Variants in MAGI2 observed in about 807,000 individuals in gnomAD.
The protein encoded by MAGI2 is membrane associated guanylate kinase, WW and PDZ domain containing 2, also known as membrane-associated guanylate kinase, WW and PDZ domain-containing protein 2.
A neutral mutation model predicts 133.3 loss-of-function variants in MAGI2; 35 were observed. The observed-to-expected ratio is 0.26, with a 90% CI of 0.20 to 0.35. MAGI2 has a LOEUF of 0.35. MAGI2 is among the 10% of genes least tolerant of loss of function. The probability of loss-of-function intolerance (pLI) is 1.00; values close to 1 mark genes in which losing one functional copy is unlikely to be tolerated. For synonymous variants in MAGI2, 729 were observed against 710.6 expected (o/e 1.03, Z -0.41); for missense variants, 1,636 against 1,863.4 (o/e 0.88, Z 2.25).
chr7:78,580,590 G>C lies in MAGI2; in HGVS notation c.538+46530C>G, dbSNP rs369772667. Among the ~76,000 whole-genome samples the C allele has an allele frequency of 4.1e-4, 63 of 152,304 alleles. No individual in the cohort carries two copies. In the South Asian group the frequency reaches 0.013, roughly 32 times the overall value. On this transcript the variant is annotated intron_variant, in intron 3 of 21. Transcript: ENST00000354212. ...ATAATCCATAGATACAAAATTGAAA[G>C]TGATTTAACTTCCTCATGATCATTC... is the stretch of plus-strand genomic sequence containing the variant.
intron 3 of MAGI2, among the ~76,000 whole-genome samples, chr7:78,608,897 T>C (rs1034908451): frequency 8.5e-5 from 13 of 152,162 alleles, no homozygotes; most frequent in African/African-American, 2.7e-4. Context: ...TCTATATCTA[T>C]CTACATATGG....
intron 2 of MAGI2, chr7:78,902,381 A>G (rs1797676048): frequency 6.6e-6 from 1 of 152,208 alleles, no homozygotes; most frequent in Non-Finnish European, 1.5e-5. Flanking sequence ...TTAAAATAAA[A>G]TCATTTTATA....
At chr7:78,214,429 C>G (rs889406425) in intron 10 of MAGI2, among the ~76,000 whole-genome samples, 2 of 152,120 alleles carry the variant, frequency 1.3e-5, no homozygotes, top group Admixed American at 1.3e-4. Flanking sequence ...CTGTGAATCC[C>G]TGATACTATC....
chr7:79,115,077 G>A (rs956370762), intron 1 of MAGI2, among the ~76,000 whole-genome samples: 2 of 152,180 alleles, frequency 1.3e-5, no homozygotes, highest in Non-Finnish European at 2.9e-5. Context: ...CTTTGAATCT[G>A]CCTTAGCAAT....
intron 3 of MAGI2, among the ~76,000 whole-genome samples, chr7:78,538,380 G>C (rs1477723940): frequency 1.3e-5 from 2 of 152,302 alleles, no homozygotes; most frequent in Non-Finnish European, 2.9e-5. Context: ...GTGGTATTTT[G>C]ATGGGAATTG....
intron 2 of MAGI2, among the ~76,000 whole-genome samples, chr7:78,867,034 G>C (rs985742941): frequency 6.6e-6 from 1 of 150,914 alleles, no homozygotes. Flanking sequence ...AAAAAGTCAG[G>C]AAACAACAGG....
At chr7:78,357,404 G>C (rs935968288) in intron 7 of MAGI2, among the ~76,000 whole-genome samples, 2 of 152,138 alleles carry the variant, frequency 1.3e-5, no homozygotes, top group Admixed American at 1.3e-4. Flanking sequence ...CCCCCTTGGA[G>C]ATAAAATTTA....
rs555183742 is a variant in MAGI2, at chr7:79,202,784, A to C, written c.302-195578T>G. Among the ~76,000 whole-genome samples the C allele has an allele frequency of 1.9e-3, 296 of 152,070 alleles. 6 individuals are homozygous for C. Among genetic ancestry groups the C allele is most frequent in the African/African-American group, 7.0e-3 (288 of 41,400 alleles). Reference sequence around the variant, plus strand: ...TTCCTGTTGTAACCAAGTCTTCTAAAAACCTGTACTACTTATATTTCTTCT... The same window carrying C: ...TTCCTGTTGTAACCAAGTCTTCTAACAACCTGTACTACTTATATTTCTTCT... On this transcript the variant is annotated intron_variant, in intron 1 of 21. Transcript: ENST00000354212.
intron 2 of MAGI2, among the ~76,000 whole-genome samples, chr7:78,960,088 T>G (rs1206098530): frequency 6.6e-6 from 1 of 152,118 alleles, no homozygotes; most frequent in Admixed American, 6.5e-5. Context: ...TCTGATCTAT[T>G]GGAACTAGAA....
At chr7:78,049,556 T>C (rs1004734430) in intron 21 of MAGI2, among the ~76,000 whole-genome samples, 2 of 152,244 alleles carry the variant, frequency 1.3e-5, no homozygotes, top group Admixed American at 6.5e-5. Context: ...CTCTTGCCTA[T>C]AACAAATGGT....
At chr7:79,327,899 G>A (rs1037485689) in intron 1 of MAGI2, among the ~76,000 whole-genome samples, 2 of 151,978 alleles carry the variant, frequency 1.3e-5, no homozygotes, top group African/African-American at 4.8e-5. Context: ...TTTGGTTTTG[G>A]TATTTTTAAA....
intron 2 of MAGI2, among the ~76,000 whole-genome samples, chr7:78,959,349 T>G (rs1333783619): frequency 6.6e-6 from 1 of 152,054 alleles, no homozygotes; most frequent in African/African-American, 2.4e-5. Flanking sequence ...GCCAAACCTA[T>G]ACCATTATTT....
intron 2 of MAGI2, among the ~76,000 whole-genome samples, chr7:78,855,028 T>G (rs756260021): frequency 2.4e-4 from 17 of 70,210 alleles, no homozygotes; most frequent in Admixed American, 1.2e-3. Flanking sequence ...AATTTTTCTG[T>G]TTTTTTTTTG....
At chr7:78,509,660 T>G (rs1030012) in intron 4 of MAGI2, among the ~76,000 whole-genome samples, 30,983 of 152,122 alleles carry the variant, frequency 0.2, 3,283 homozygotes, top group South Asian at 0.4. Flanking sequence ...ATCTAACATG[T>G]TGCTTCTCAG....
At chr7:78,421,168 G>A (rs572905219) in intron 6 of MAGI2, among the ~76,000 whole-genome samples, 2 of 152,246 alleles carry the variant, frequency 1.3e-5, no homozygotes, top group East Asian at 3.9e-4. Flanking sequence ...CTGTAAGAAG[G>A]ACTCTAGAGA....
At position 79,221,873 on chromosome 7, in the gene MAGI2, T is replaced by G. The variant is rs903247601; in HGVS notation, c.302-214667A>C. Among the ~76,000 whole-genome samples, 32 of 152,002 alleles carry G rather than the reference T, an allele frequency of 2.1e-4. 1 individual carries two copies. The highest frequency in any genetic ancestry group is 6.3e-4 in the African/African-American group (26 of 41,284). ...CACAGGAAAGATGGATTGATAGGGT[T>G]ACTTTAAAAGAAAAAACATTAATAG... On this transcript the variant is annotated intron_variant, in intron 1 of 21. Coordinates refer to ENST00000354212, the MANE Select transcript of MAGI2 (RefSeq NM_012301.4).
At chr7:78,154,214 G>C (rs1023036986) in intron 16 of MAGI2, among the ~76,000 whole-genome samples, 4 of 152,232 alleles carry the variant, frequency 2.6e-5, no homozygotes, top group African/African-American at 4.8e-5. Flanking sequence ...AGGACTTCGA[G>C]AAACTCACCA....
At chr7:78,869,492 G>A (rs1312952369) in intron 2 of MAGI2, among the ~76,000 whole-genome samples, 6 of 152,102 alleles carry the variant, frequency 3.9e-5, no homozygotes, top group Admixed American at 1.3e-4. Context: ...GTCTGTATTA[G>A]TATGTTTTCA....
intron 6 of MAGI2, among the ~76,000 whole-genome samples, chr7:78,397,428 T>A (rs1796456988): frequency 6.6e-6 from 1 of 151,006 alleles, no homozygotes. Context: ...AAACCATCAA[T>A]AAGTTCCTTT....
Sources: gnomAD v4.1 joint callset for allele counts (sites outside exome capture counted in the v4.1 genomes callset) on GRCh38, gnomAD v4.1.1 for gene constraint, MANE v1.5 for transcripts, NCBI Gene and HGNC (gene_info 2026-07-23, HGNC 2026-07-21) for gene names.